The following SLC47A1 variants were observed in gnomAD, a reference collection of about 807,000 sequenced individuals.
SLC47A1 encodes solute carrier family 47 member 1, also known as multidrug and toxin extrusion protein 1.
SLC47A1 carries 58 observed loss-of-function variants against 65.8 expected under a neutral mutation model. That is an observed-to-expected ratio of 0.88 (90% CI 0.71 to 1.10). The LOEUF is 1.10. SLC47A1 is among the 50% of genes least tolerant of loss of function. The pLI is 0.00. For synonymous variants in SLC47A1, 285 were observed against 295.0 expected, an observed-to-expected ratio of 0.97 and a Z score of 0.35; for missense variants, 706 against 719.2, an observed-to-expected ratio of 0.98 and a Z score of 0.21.
chr17:19,548,196 G>A (rs567263913), intron 4 of SLC47A1, 63 bp downstream of exon 4: 1 of 1,560,458 alleles, frequency 6.4e-7, no homozygotes, highest in African/African-American at 1.3e-5. Flanking sequence ...ATCCTGTCTG[G>A]GTGCAGCCAG....
Position 19,547,980 on chromosome 17 carries a change from CCCAGACGTACGGGAG to C in SLC47A1, c.308_322del (p.Thr103_Gln107del). 2.4e-5 allele frequency: 38 copies of C among 1,609,936 alleles called. No individual in the cohort carries two copies. The highest frequency in any genetic ancestry group is 4.0e-5 in the African/African-American group (3 of 74,786). On this transcript the variant is annotated splice_acceptor_variant and splice_polypyrimidine_tract_variant and coding_sequence_variant and intron_variant, in exon 4 of 17. Coordinates refer to ENST00000270570, the MANE Select transcript of SLC47A1 (RefSeq NM_018242.3). LOFTEE classifies it high-confidence loss of function. ...ATGGGCTCATTTTGGCTGTGTGCACCCCAGACGTACGGGAGCCAGAACCTGAAGCACGTGGGCGTG... is the reference window on the plus strand; with the variant it reads ...ATGGGCTCATTTTGGCTGTGTGCACCCCAGAACCTGAAGCACGTGGGCGTG...
chr17:19,564,347 T>TA (rs994681672), intron 12 of SLC47A1, among the ~76,000 whole-genome samples: 9 of 146,298 alleles, frequency 6.2e-5, no homozygotes, highest in Admixed American at 1.4e-4. Context: ...AGACCCTGTC[T>TA]AAAAAAAAAA....
chr17:19,534,710 GAA>G (rs1203211127), intron 1 of SLC47A1: 1 of 151,890 alleles, frequency 6.6e-6, no homozygotes, highest in Non-Finnish European at 1.5e-5. Context: ...GTATGTGAAA[GAA>G]AAAAGGGGTT....
chr17:19,576,452 G>T (rs1365608497), intron 16 of SLC47A1, among the ~76,000 whole-genome samples: 2 of 148,704 alleles, frequency 1.3e-5, no homozygotes, highest in Admixed American at 1.4e-4. Flanking sequence ...CTGGGCTCAA[G>T]TGATCCTCCC....
chr17:19,556,746 C>T lies in SLC47A1; in HGVS notation c.921+684C>T, dbSNP rs541309008. On this transcript the variant is annotated intron_variant, in intron 10 of 16. Coordinates refer to ENST00000270570, the MANE Select transcript of SLC47A1 (RefSeq NM_018242.3). Reference sequence around the variant, plus strand: ...GCTAATTTTGTATTTTCAGTAGAGACAGGGTTTCACCATGTTGGTCAGCTG... The same window carrying T: ...GCTAATTTTGTATTTTCAGTAGAGATAGGGTTTCACCATGTTGGTCAGCTG... 1.1e-3 allele frequency among the ~76,000 whole-genome samples: 166 copies of T among 152,222 alleles called. 3 individuals carry two copies. In the South Asian group the frequency reaches 0.033, roughly 30 times the overall value.
intron 2 of SLC47A1, among the ~76,000 whole-genome samples, chr17:19,545,491 C>T (rs534855102): frequency 3.6e-4 from 54 of 151,036 alleles, no homozygotes; most frequent in African/African-American, 1.1e-3. Context: ...TATGCTCGGC[C>T]AGAAATTTTT....
At chr17:19,572,069 G>A (rs542232975) in intron 15 of SLC47A1, among the ~76,000 whole-genome samples, 7 of 152,240 alleles carry the variant, frequency 4.6e-5, no homozygotes, top group East Asian at 1.9e-4. Context: ...CAGGAGGATC[G>A]CTTGAGCCCT....
At chr17:19,537,942 C>G (rs1351531881) in intron 1 of SLC47A1, among the ~76,000 whole-genome samples, 1 of 152,222 alleles carries the variant, frequency 6.6e-6, no homozygotes, top group East Asian at 1.9e-4. Context: ...AGCCCCACTT[C>G]ATTTCCCCCA....
chr17:19,549,681 A>ATAC lies in SLC47A1; in HGVS notation c.498+4_498+5insTAC, dbSNP rs1224598430. On this transcript the variant is annotated splice_donor_region_variant and intron_variant, in intron 5 of 16. Transcript: ENST00000270570. ...GATCTTCATTCCAGCTCTTCCTGTA[A>ATAC]GTGCTCAAGGGCTAAGAGATTCCCT... 6.2e-7 allele frequency: 1 copy of ATAC among 1,614,164 alleles called. No homozygotes were observed. Among genetic ancestry groups the ATAC allele is most frequent in the Non-Finnish European group, 8.5e-7 (1 of 1,180,016 alleles).
chr17:19,558,372 CCTT>C (rs1597503813), intron 10 of SLC47A1, among the ~76,000 whole-genome samples: 2 of 152,200 alleles, frequency 1.3e-5, no homozygotes. Context: ...GATGCTGTGT[CCTT>C]CTTAGTGCAC....
chr17:19,549,223 G>C (rs1435101325), intron 4 of SLC47A1, among the ~76,000 whole-genome samples: 1 of 151,546 alleles, frequency 6.6e-6, no homozygotes, highest in African/African-American at 2.4e-5. Context: ...TTTTGAGATG[G>C]AGTCTCGCCC....
chr17:19,566,230 CCT>C lies in SLC47A1; in HGVS notation c.1107-555_1107-554del, dbSNP rs1401184085. Among the ~76,000 whole-genome samples, 14 of 152,114 alleles carry C rather than the reference CCT, an allele frequency of 9.2e-5. 1 individual carries two copies. In the East Asian group the frequency reaches 1.5e-3, roughly 17 times the overall value. On this transcript the variant is annotated intron_variant, in intron 12 of 16. Coordinates refer to ENST00000270570, the MANE Select transcript of SLC47A1 (RefSeq NM_018242.3). ...AAACACAATGTATTTAGGGTTCAGT[CCT>C]CTCTGCGATTTCAGGCATCCACTGG...
chr17:19,562,996 C>T (rs2084325166), intron 12 of SLC47A1, among the ~76,000 whole-genome samples: 1 of 151,942 alleles, frequency 6.6e-6, no homozygotes, highest in South Asian at 2.1e-4. Context: ...GACTACTTTG[C>T]ACAACTTTTT....
chr17:19,541,621 G>T (rs905590730), intron 1 of SLC47A1, among the ~76,000 whole-genome samples: 6 of 152,132 alleles, frequency 3.9e-5, no homozygotes, highest in Admixed American at 6.5e-5. Flanking sequence ...TCCGGATCCC[G>T]CTGGGACTCC....
chr17:19,552,211 C>A (rs1013283298), intron 6 of SLC47A1, among the ~76,000 whole-genome samples: 11 of 152,110 alleles, frequency 7.2e-5, no homozygotes. Context: ...TCTATTAGAA[C>A]AAAATTTTTA....
intron 16 of SLC47A1, among the ~76,000 whole-genome samples, chr17:19,575,838 G>A (rs927968337): frequency 2.0e-5 from 3 of 152,098 alleles, no homozygotes; most frequent in African/African-American, 7.2e-5. Flanking sequence ...TAATAAGGCC[G>A]ATGAATAAGA....
In SLC47A1 at chr17:19,560,349, C is replaced by T. The variant is rs2084299252; in HGVS notation, c.1030+53C>T. Reference sequence around the variant, plus strand: ...TTGGTGCAGTCTCTGCATGCAAAACCCAGGCTCCTCCACTTCCTGTGGATC... The same window carrying T: ...TTGGTGCAGTCTCTGCATGCAAAACTCAGGCTCCTCCACTTCCTGTGGATC... On this transcript the variant is annotated intron_variant, in intron 11 of 16. Coordinates refer to ENST00000270570, the MANE Select transcript of SLC47A1 (RefSeq NM_018242.3). The T allele has an allele frequency of 2.5e-6, 4 of 1,609,370 alleles. No homozygotes were observed. In the South Asian group the frequency reaches 4.4e-5, roughly 18 times the overall value.
At position 19,578,938 on chromosome 17, in the gene SLC47A1, C is replaced by T. The variant is rs188807757; in HGVS notation, c.*1385C>T. ...CATTTCTTTTGATAAAACCTCCAGCCTTCTCTGTGTTGTTCCGACATACCG... is the reference window on the plus strand; with the variant it reads ...CATTTCTTTTGATAAAACCTCCAGCTTTCTCTGTGTTGTTCCGACATACCG... On this transcript the variant is annotated 3_prime_UTR_variant, in exon 17 of 17. Transcript: ENST00000270570. 1 of 152,370 alleles carries T rather than the reference C, an allele frequency of 6.6e-6. No individual in the cohort carries two copies. Among genetic ancestry groups the T allele is most frequent in the African/African-American group, 2.4e-5 (1 of 41,590 alleles). The allele number at this position is 152,370 out of a possible 1,614,324, so 9.4% of individuals were successfully genotyped here. A position where few individuals can be genotyped will look rare whatever the true frequency, so the allele number is the denominator to read the frequency against.
At chr17:19,562,851 A>T (rs2084324094) in intron 12 of SLC47A1, among the ~76,000 whole-genome samples, 1 of 152,156 alleles carries the variant, frequency 6.6e-6, no homozygotes, top group Admixed American at 6.5e-5. Flanking sequence ...GGTGGCCAGG[A>T]TCAACCCAAC....
Sources: allele counts gnomAD v4.1 joint callset (sites outside exome capture counted in the v4.1 genomes callset), GRCh38; gene constraint gnomAD v4.1.1; transcripts MANE v1.5; gene names NCBI Gene and HGNC (gene_info 2026-07-23, HGNC 2026-07-21).